PPP1R9A: variants seen among roughly 807,000 people sequenced by gnomAD.
The protein encoded by PPP1R9A is neurabin-1.
Under a neutral mutation model 141.9 loss-of-function variants are expected in PPP1R9A, and 59 were observed. That is an observed-to-expected ratio of 0.42 (90% CI 0.34 to 0.52). The LOEUF is 0.52. PPP1R9A is among the 20% of genes least tolerant of loss of function. The pLI is 0.10. For synonymous variants in PPP1R9A, 500 were observed against 569.7 expected, an observed-to-expected ratio of 0.88 and a Z score of 1.74; for missense variants, 1,444 against 1,611.9, an observed-to-expected ratio of 0.90 and a Z score of 1.78.
intron 2 of PPP1R9A, among the ~76,000 whole-genome samples, chr7:94,974,037 A>G (rs2151257399): frequency 6.6e-6 from 1 of 152,214 alleles, no homozygotes; most frequent in Admixed American, 6.5e-5. Context: ...TAATTTGAGG[A>G]AATGTAGACA....
chr7:94,909,454 T>G (rs1018197333), intron 1 of PPP1R9A, among the ~76,000 whole-genome samples: 3 of 152,140 alleles, frequency 2.0e-5, no homozygotes, highest in Non-Finnish European at 2.9e-5. Flanking sequence ...CAAACTTAAT[T>G]GTACTTAGAA....
intron 4 of PPP1R9A, among the ~76,000 whole-genome samples, chr7:95,153,230 G>A (rs867120681): frequency 6.6e-6 from 1 of 152,028 alleles, no homozygotes; most frequent in Non-Finnish European, 1.5e-5. Flanking sequence ...TGGTAACATC[G>A]TAACATTTTA....
intron 2 of PPP1R9A, among the ~76,000 whole-genome samples, chr7:94,925,507 C>G (rs948323431): frequency 1.3e-5 from 2 of 152,106 alleles, no homozygotes; most frequent in Non-Finnish European, 2.9e-5. Flanking sequence ...TGGTTCCTCT[C>G]TCCCTCTCAT....
intron 2 of PPP1R9A, among the ~76,000 whole-genome samples, chr7:94,999,777 T>TTTA (rs1554455790): frequency 3.5e-5 from 5 of 141,304 alleles, no homozygotes; most frequent in African/African-American, 1.1e-4. Flanking sequence ...AGATATCTTA[T>TTTA]TTTATTTATT....
intron 7 of PPP1R9A, among the ~76,000 whole-genome samples, chr7:95,204,659 T>C (rs1325781828): frequency 1.2e-4 from 11 of 92,506 alleles, no homozygotes; most frequent in African/African-American, 1.3e-4. Flanking sequence ...ACACCACACA[T>C]ATCCACACAC....
intron 2 of PPP1R9A, among the ~76,000 whole-genome samples, chr7:94,950,696 T>G (rs1796370962): frequency 6.6e-6 from 1 of 152,154 alleles, no homozygotes; most frequent in Non-Finnish European, 1.5e-5. Flanking sequence ...TTTTTGCTAC[T>G]GTTGTGGATA....
At chr7:94,914,343 T>G (rs967072094) in intron 2 of PPP1R9A, among the ~76,000 whole-genome samples, 7 of 152,210 alleles carry the variant, frequency 4.6e-5, no homozygotes, top group African/African-American at 1.7e-4. Context: ...TACATAGATA[T>G]TTCCATAAGA....
At chr7:95,255,881 C>G (rs1159260109) in intron 12 of PPP1R9A, among the ~76,000 whole-genome samples, 1 of 151,906 alleles carries the variant, frequency 6.6e-6, no homozygotes, top group Non-Finnish European at 1.5e-5. Flanking sequence ...GCATTGTGAC[C>G]CATTCACAGT....
chr7:95,026,179 T>C (rs1386378297), intron 2 of PPP1R9A, among the ~76,000 whole-genome samples: 1 of 152,258 alleles, frequency 6.6e-6, no homozygotes. Context: ...ATTTTCAGCC[T>C]TTTCATGCTG....
intron 2 of PPP1R9A, among the ~76,000 whole-genome samples, chr7:95,048,015 AT>A (rs1810273152): frequency 6.6e-6 from 1 of 152,196 alleles, no homozygotes; most frequent in Non-Finnish European, 1.5e-5. Context: ...TAGAATATTT[AT>A]TTTAAAAAGG....
intron 14 of PPP1R9A, among the ~76,000 whole-genome samples, chr7:95,270,589 A>T (rs1283592224): frequency 2.0e-5 from 3 of 152,302 alleles, no homozygotes; most frequent in African/African-American, 7.2e-5. Flanking sequence ...GAGATTTGTA[A>T]AACAGGTTAT....
At chr7:95,072,818 AAT>A (rs1563197147) in intron 2 of PPP1R9A, among the ~76,000 whole-genome samples, 7 of 66,734 alleles carry the variant, frequency 1.0e-4, no homozygotes, top group African/African-American at 4.7e-4. Context: ...TATATATAAT[AAT>A]TATTATATAT....
At chr7:95,264,952 G>A (rs1055230929) in intron 12 of PPP1R9A, among the ~76,000 whole-genome samples, 10 of 152,258 alleles carry the variant, frequency 6.6e-5, no homozygotes, top group Non-Finnish European at 8.8e-5. Flanking sequence ...TGTAGAGAAC[G>A]AATGACAGTG....
chr7:95,202,674 C>T lies in PPP1R9A; in HGVS notation c.1891-991C>T, dbSNP rs556664935. ...CAACTAGAATTTAACTTTTTAGTAA[C>T]ATTTAATCTCTTGTCATACTCCACC... On this transcript the variant is annotated intron_variant, in intron 6 of 19. Transcript: ENST00000433360. 1.8e-5 allele frequency: 12 copies of T among 663,468 alleles called. 2 individuals carry two copies. The South Asian group carries it at 8.1e-4, about 45-fold the overall frequency. The allele number at this position is 663,468 out of a possible 1,614,324, so 41.1% of individuals were successfully genotyped here.
rs573474133 is a variant in PPP1R9A, at chr7:95,244,602, TTAA to T, written c.2113-2867_2113-2865del. Among the ~76,000 whole-genome samples, 17 of 152,218 alleles carry T rather than the reference TTAA, an allele frequency of 1.1e-4. No homozygotes were observed. In the South Asian group the frequency reaches 3.5e-3, roughly 32 times the overall value. On this transcript the variant is annotated intron_variant, in intron 8 of 19. Coordinates refer to ENST00000433360, the MANE Select transcript of PPP1R9A (RefSeq NM_001166160.2). ...ACGTATTTGGTTACCCTACGAGGAG[TTAA>T]TAAAATCTGTCACTTGCCCATAGTG...
In PPP1R9A at chr7:95,129,337, G is replaced by C. The variant is rs150017413; in HGVS notation, c.1649+8505G>C. ...TCATGAGATCTGATGATTTTAAAAAGGAGAGATTCTCTGCACAAGCTCTTC... is the reference window on the plus strand; with the variant it reads ...TCATGAGATCTGATGATTTTAAAAACGAGAGATTCTCTGCACAAGCTCTTC... On this transcript the variant is annotated intron_variant, in intron 4 of 19. Coordinates refer to ENST00000433360, the MANE Select transcript of PPP1R9A (RefSeq NM_001166160.2). 2.7e-3 allele frequency among the ~76,000 whole-genome samples: 408 copies of C among 152,140 alleles called. 1 individual carries two copies. Among genetic ancestry groups the C allele is most frequent in the Middle Eastern group, 6.8e-3 (2 of 292 alleles).
chr7:94,918,283 C>T (rs1250559476), intron 2 of PPP1R9A, among the ~76,000 whole-genome samples: 3 of 151,944 alleles, frequency 2.0e-5, no homozygotes, highest in African/African-American at 7.3e-5. Context: ...GGTAATCTAG[C>T]GTCATTTCCC....
At chr7:95,185,074 G>C (rs1834434245) in intron 5 of PPP1R9A, among the ~76,000 whole-genome samples, 1 of 150,302 alleles carries the variant, frequency 6.7e-6, no homozygotes, top group South Asian at 2.1e-4. Flanking sequence ...TAAGTTTTAG[G>C]GTACATGTGC....
intron 18 of PPP1R9A, among the ~76,000 whole-genome samples, chr7:95,287,616 T>C (rs1372622771): frequency 6.6e-6 from 1 of 152,196 alleles, no homozygotes; most frequent in Non-Finnish European, 1.5e-5. Context: ...CTCCTAACTA[T>C]TGAGCTCTAC....
Sources: allele counts gnomAD v4.1 joint callset (sites outside exome capture counted in the v4.1 genomes callset), GRCh38; gene constraint gnomAD v4.1.1; transcripts MANE v1.5; gene names NCBI Gene and HGNC (gene_info 2026-07-23, HGNC 2026-07-21).